The following AGMO variants were observed in gnomAD, a reference collection of about 807,000 sequenced individuals.
AGMO encodes the protein alkylglycerol monooxygenase, also known as glyceryl-ether monooxygenase.
A neutral mutation model predicts 60.2 loss-of-function variants in AGMO; 75 were observed. The ratio of observed to expected loss-of-function variants is 1.25; its 90% confidence interval spans 1.03 to 1.51. The LOEUF is 1.51. Among genes scored for constraint, AGMO ranks in the 40% most tolerant of loss-of-function variants. AGMO has a pLI of 0.00. For synonymous variants in AGMO, 261 were observed against 177.1 expected (o/e 1.47, Z -3.76); for missense variants, 763 against 525.5 (o/e 1.45, Z -4.42).
intron 12 of AGMO, among the ~76,000 whole-genome samples, chr7:15,278,486 T>C (rs2128517576): frequency 6.6e-6 from 1 of 151,952 alleles, no homozygotes. Context: ...AGAATTCAGG[T>C]GCTGGCTGTG....
At chr7:15,414,434 TATG>T (rs1282923317) in intron 5 of AGMO, among the ~76,000 whole-genome samples, 1 of 151,900 alleles carries the variant, frequency 6.6e-6, no homozygotes, top group Admixed American at 6.6e-5. Context: ...CAAGGTAAGA[TATG>T]ATAGGAATGC....
intron 3 of AGMO, among the ~76,000 whole-genome samples, chr7:15,441,933 T>C (rs1305119574): frequency 6.6e-6 from 1 of 152,192 alleles, no homozygotes; most frequent in Non-Finnish European, 1.5e-5. Context: ...AACAAAATCT[T>C]ACCAGGATCT....
intron 12 of AGMO, among the ~76,000 whole-genome samples, chr7:15,243,303 T>G (rs1782646544): frequency 6.6e-6 from 1 of 152,112 alleles, no homozygotes; most frequent in African/African-American, 2.4e-5. Context: ...ACAGCATTAT[T>G]CTCTAGACTA....
intron 12 of AGMO, among the ~76,000 whole-genome samples, chr7:15,320,735 C>T (rs1481830328): frequency 1.3e-5 from 2 of 151,960 alleles, no homozygotes; most frequent in Non-Finnish European, 2.9e-5. Flanking sequence ...TTATATATGC[C>T]TTAATAAATG....
chr7:15,194,396 A>G, the AGMO span, among the ~76,000 whole-genome samples: 1 of 152,132 alleles, frequency 6.6e-6, no homozygotes, highest in Non-Finnish European at 1.5e-5. Context: ...AAAAATATAT[A>G]TAAGTAAAAT....
At chr7:15,181,203 C>T in the AGMO span, among the ~76,000 whole-genome samples, 1 of 152,150 alleles carries the variant, frequency 6.6e-6, no homozygotes, top group East Asian at 1.9e-4. Flanking sequence ...ATTCACAGTT[C>T]ATTAGAGAAG....
intron 10 of AGMO, among the ~76,000 whole-genome samples, chr7:15,374,681 C>T (rs995345843): frequency 6.6e-6 from 1 of 152,020 alleles, no homozygotes; most frequent in African/African-American, 2.4e-5. Context: ...AAATAGGATA[C>T]AAATGACATG....
At chr7:15,161,424 A>G in the AGMO span, among the ~76,000 whole-genome samples, 1 of 151,802 alleles carries the variant, frequency 6.6e-6, no homozygotes, top group Non-Finnish European at 1.5e-5. Context: ...CTCTCTCTAT[A>G]TATAAATATG....
chr7:15,431,179 G>T, intron 3 of AGMO, 71 bp from the exon 4 acceptor site: 2 of 1,070,754 alleles, frequency 1.9e-6, no homozygotes, highest in Non-Finnish European at 2.9e-6. Context: ...AGTTATGCAT[G>T]CTGCTCTGTT....
chr7:15,284,469 A>G (rs553060340), intron 12 of AGMO, among the ~76,000 whole-genome samples: 14 of 152,242 alleles, frequency 9.2e-5, no homozygotes, highest in Admixed American at 3.9e-4. Flanking sequence ...TAAAAAATCT[A>G]GAGGAAATGA....
intron 3 of AGMO, 32 bp downstream of exon 3, chr7:15,544,740 A>C (rs1784726779): frequency 6.6e-7 from 1 of 1,524,568 alleles, no homozygotes; most frequent in African/African-American, 1.4e-5. Flanking sequence ...AGTTCAACAT[A>C]AGTTAACAAA....
intron 9 of AGMO, among the ~76,000 whole-genome samples, chr7:15,386,076 G>A (rs1363053592): frequency 2.0e-5 from 3 of 152,050 alleles, no homozygotes; most frequent in Non-Finnish European, 4.4e-5. Flanking sequence ...AGCTACTCAG[G>A]AGGCTGAGGC....
At chr7:15,131,654 G>A in the AGMO span, among the ~76,000 whole-genome samples, 1 of 151,982 alleles carries the variant, frequency 6.6e-6, no homozygotes, top group Non-Finnish European at 1.5e-5. Flanking sequence ...TTGGAGGCTA[G>A]TTCATTAAAG....
chr7:15,380,431 T>C (rs927398629), intron 10 of AGMO, among the ~76,000 whole-genome samples: 6 of 151,946 alleles, frequency 3.9e-5, no homozygotes, highest in African/African-American at 1.5e-4. Context: ...AATAATAAAA[T>C]ACCTAGTGAT....
chr7:15,491,748 T>C (rs1235403702), intron 3 of AGMO, among the ~76,000 whole-genome samples: 1 of 152,184 alleles, frequency 6.6e-6, no homozygotes, highest in African/African-American at 2.4e-5. Context: ...CCTCAGAGCA[T>C]ACCAAAAGAA....
chr7:15,491,258 G>C (rs1057044497), intron 3 of AGMO, among the ~76,000 whole-genome samples: 4 of 152,074 alleles, frequency 2.6e-5, no homozygotes, highest in Admixed American at 6.5e-5. Flanking sequence ...TGAAATATGA[G>C]CAATACATAA....
chr7:15,427,630 C>A (rs1389589759), intron 4 of AGMO, among the ~76,000 whole-genome samples: 1 of 152,112 alleles, frequency 6.6e-6, no homozygotes, highest in Non-Finnish European at 1.5e-5. Flanking sequence ...AAGTTATAAT[C>A]CTGATACTGT....
At chr7:15,500,120 A>T (rs1225741053) in intron 3 of AGMO, among the ~76,000 whole-genome samples, 1 of 151,822 alleles carries the variant, frequency 6.6e-6, no homozygotes, top group Non-Finnish European at 1.5e-5. Flanking sequence ...AAATTATCAA[A>T]TTAAAAGAGA....
chr7:15,540,253 C>A (rs755052434), intron 3 of AGMO, among the ~76,000 whole-genome samples: 2 of 152,182 alleles, frequency 1.3e-5, no homozygotes, highest in Non-Finnish European at 2.9e-5. Context: ...GTGGCTACCA[C>A]TGGAACTCTG....
Sources: gnomAD v4.1 joint callset for allele counts (sites outside exome capture counted in the v4.1 genomes callset) on GRCh38, gnomAD v4.1.1 for gene constraint, MANE v1.5 for transcripts, NCBI Gene and HGNC (gene_info 2026-07-23, HGNC 2026-07-21) for gene names.